PIK3C2A: variants seen among roughly 807,000 people sequenced by gnomAD.
The protein encoded by PIK3C2A is phosphatidylinositol-4-phosphate 3-kinase catalytic subunit type 2 alpha.
A neutral mutation model predicts 204.5 loss-of-function variants in PIK3C2A; 97 were observed. That is an observed-to-expected ratio of 0.47 (90% CI 0.40 to 0.56). The LOEUF is 0.56. Among genes scored for constraint, PIK3C2A ranks in the 20% least tolerant of loss-of-function variants. The pLI is 0.00. For missense variants in PIK3C2A, 1,735 were observed against 1,969.2 expected (o/e 0.88, Z 2.25); for synonymous variants, 653 against 664.4 (o/e 0.98, Z 0.26).
chr11:17,148,425 C>A, intron 5 of PIK3C2A: 1 of 412,206 alleles, frequency 2.4e-6, no homozygotes. Context: ...TGAAACTCTT[C>A]CTGTAAAGAC....
chr11:17,189,434 G>A (rs1323508088), intron 1 of PIK3C2A, among the ~76,000 whole-genome samples: 2 of 146,182 alleles, frequency 1.4e-5, no homozygotes, highest in Non-Finnish European at 2.9e-5. Context: ...GGCCAAGATG[G>A]TGAAACCCCA....
At chr11:17,204,218 A>G (rs1453469380) in intron 1 of PIK3C2A, 1 of 152,244 alleles carries the variant, frequency 6.6e-6, no homozygotes, top group African/African-American at 2.4e-5. Flanking sequence ...AGTGCCTGAA[A>G]TGTGGCTGTT....
chr11:17,126,315 C>T (rs1016494547), intron 13 of PIK3C2A, among the ~76,000 whole-genome samples: 1 of 151,590 alleles, frequency 6.6e-6, no homozygotes, highest in Non-Finnish European at 1.5e-5. Flanking sequence ...CGGATGGGAT[C>T]GGATGGCGGG....
intron 1 of PIK3C2A, among the ~76,000 whole-genome samples, chr11:17,205,473 CAAAAAAAAAAA>C (rs755518412): frequency 3.7e-3 from 94 of 25,386 alleles, no homozygotes; most frequent in Non-Finnish European, 6.5e-3. Context: ...GACTCCATCT[CAAAAAAAAAAA>C]AAAAAAAAAA....
At chr11:17,181,655 T>TAC (rs1851567427) in intron 1 of PIK3C2A, among the ~76,000 whole-genome samples, 1 of 107,770 alleles carries the variant, frequency 9.3e-6, no homozygotes, top group African/African-American at 5.1e-5. Context: ...TATATATATA[T>TAC]ATATACACAC....
At chr11:17,138,043 A>C (rs1032074639) in intron 8 of PIK3C2A, 5 of 645,398 alleles carry the variant, frequency 7.7e-6, no homozygotes, top group Non-Finnish European at 1.2e-5. Context: ...CTCCTTGATA[A>C]GGAAAGCATG....
At chr11:17,155,143 CT>C (rs1470987248) in intron 3 of PIK3C2A, among the ~76,000 whole-genome samples, 2 of 152,100 alleles carry the variant, frequency 1.3e-5, no homozygotes, top group African/African-American at 4.8e-5. Context: ...CTAAACTTGC[CT>C]ATTATAATAT....
At chr11:17,178,441 A>G (rs1851413650) in intron 1 of PIK3C2A, among the ~76,000 whole-genome samples, 1 of 152,214 alleles carries the variant, frequency 6.6e-6, no homozygotes, top group Admixed American at 6.5e-5. Flanking sequence ...GGAAAAATTT[A>G]TCTTCCCCAC....
At chr11:17,178,585 CAG>C (rs1424753454) in intron 1 of PIK3C2A, among the ~76,000 whole-genome samples, 2 of 152,044 alleles carry the variant, frequency 1.3e-5, no homozygotes, top group African/African-American at 4.8e-5. Context: ...TTTTTTGAGA[CAG>C]AGTCTTGCTC....
chr11:17,106,667 C>T (rs1003645657), intron 22 of PIK3C2A, among the ~76,000 whole-genome samples: 3 of 152,094 alleles, frequency 2.0e-5, no homozygotes, highest in Non-Finnish European at 2.9e-5. Flanking sequence ...GTCTTGAACT[C>T]CCATCCTTCA....
chr11:17,196,390 C>T (rs772039563), intron 1 of PIK3C2A, among the ~76,000 whole-genome samples: 2 of 151,978 alleles, frequency 1.3e-5, no homozygotes, highest in Non-Finnish European at 2.9e-5. Flanking sequence ...AACTGGGAGA[C>T]CAATTAACAG....
intron 21 of PIK3C2A, among the ~76,000 whole-genome samples, chr11:17,111,772 G>A (rs916525383): frequency 1.3e-4 from 19 of 151,454 alleles, no homozygotes; most frequent in Non-Finnish European, 2.8e-4. Context: ...AGCTACTTGG[G>A]AGGCTGAAGC....
chr11:17,110,435 G>C lies in PIK3C2A; in HGVS notation c.3541C>G (p.Arg1181Gly). ...AAGACACAGCTAATAAACTTACCTC[G>C]ATCTCTGCCAGTTGAGAGACATTTG... ...IFKCLSTGRD[R>G]GMVELVPASD... Residue 1181 changes from arginine (R) to glycine (G), a missense_variant, in exon 22 of 33, where the codon CGA becomes GGA. Around this residue, in one of 6 missense-constraint regions of PIK3C2A, gnomAD observed 503 missense variants for 669.0 expected, o/e 0.75. Transcript: ENST00000691414. 3 of 1,607,982 alleles carry C rather than the reference G, an allele frequency of 1.9e-6. No homozygotes were observed. Among genetic ancestry groups the C allele is most frequent in the Non-Finnish European group, 1.7e-6 (2 of 1,177,524 alleles).
At chr11:17,157,338 T>C (rs569764875) in intron 2 of PIK3C2A, among the ~76,000 whole-genome samples, 1 of 151,634 alleles carries the variant, frequency 6.6e-6, no homozygotes, top group South Asian at 2.1e-4. Flanking sequence ...CAAGTGCTTG[T>C]AATTCAAGCT....
At chr11:17,110,924 T>C (rs940423415) in intron 21 of PIK3C2A, among the ~76,000 whole-genome samples, 2 of 152,188 alleles carry the variant, frequency 1.3e-5, no homozygotes, top group Admixed American at 6.5e-5. Flanking sequence ...TATTTATTTT[T>C]TGAGACTGAG....
intron 1 of PIK3C2A, chr11:17,194,023 C>T: frequency 2.6e-6 from 1 of 378,100 alleles, no homozygotes; most frequent in Non-Finnish European, 4.8e-6. Flanking sequence ...AAAGAAGATG[C>T]AGGCTTTGGC....
At position 17,117,498 on chromosome 11, in the gene PIK3C2A, G is replaced by A. The variant is rs1849234459; in HGVS notation, c.3209C>T (p.Ala1070Val). 6.2e-7 allele frequency: 1 copy of A among 1,609,834 alleles called. No individual in the cohort carries two copies. Among genetic ancestry groups the A allele is most frequent in the South Asian group, 1.1e-5 (1 of 90,920 alleles). ...AEKVRQASGSARQVVLQRSME... is the reference protein window; with the variant it reads ...AEKVRQASGSVRQVVLQRSME... ...CCTTTTATGGGTACATACCTGTCTG[G>A]CTGATCCACTAGCCTGCCTTACTTT... The change falls in exon 19 of 33, where the codon GCC becomes GTC. Residue 1070 changes from alanine (A) to valine (V), a missense_variant. Physicochemically the swap from Ala to Val is moderately conservative, Grantham distance 64 (BLOSUM62 0). Transcript: ENST00000691414.
In PIK3C2A at chr11:17,135,171, C is replaced by T. The variant is rs1849830567; in HGVS notation, c.1849-12G>A. 6.2e-7 allele frequency: 1 copy of T among 1,612,394 alleles called. No individual in the cohort carries two copies. Among genetic ancestry groups the T allele is most frequent in the African/African-American group, 1.3e-5 (1 of 74,826 alleles). On this transcript the variant is annotated splice_polypyrimidine_tract_variant and intron_variant, in intron 9 of 32. Transcript: ENST00000691414. ...AACAAAGAAGTCACCTACACATGCA[C>T]ACACACACACAATAGTCAGAAAACT...
chr11:17,151,415 A>G (rs1850422666), intron 3 of PIK3C2A, among the ~76,000 whole-genome samples: 2 of 152,204 alleles, frequency 1.3e-5, no homozygotes, highest in East Asian at 1.9e-4. Flanking sequence ...AGGGCTATGA[A>G]TGGAATGAAT....
Sources: gnomAD v4.1 joint callset for allele counts (sites outside exome capture counted in the v4.1 genomes callset) on GRCh38, gnomAD v4.1.1 for gene constraint, gnomAD v4.1.1 regional missense constraint, MANE v1.5 for transcripts, NCBI Gene and HGNC (gene_info 2026-07-23, HGNC 2026-07-21) for gene names.